AP3D1: variants seen among roughly 807,000 people sequenced by gnomAD.
AP3D1 encodes the protein AP-3 complex subunit delta-1.
A neutral mutation model predicts 147.6 loss-of-function variants in AP3D1; 51 were observed. The ratio of observed to expected loss-of-function variants is 0.35; its 90% CI spans 0.28 to 0.44. AP3D1 has a LOEUF of 0.44. Ranked by LOEUF, AP3D1 falls within the 20% of genes least tolerant of loss-of-function variation. AP3D1 has a pLI of 1.00. For synonymous variants in AP3D1, 760 were observed against 663.0 expected (o/e 1.15, Z -2.25); for missense variants, 1,421 against 1,624.2 (o/e 0.87, Z 2.15).
rs200459002 is a variant in AP3D1 at position 2,120,980 on chromosome 19, C to T, written c.1363G>A (p.Ala455Thr). The change falls in exon 14 of 32, where the codon GCC becomes ACC. Residue 455 changes from alanine (A) to threonine (T), a missense_variant. Ala to Thr is a moderately conservative substitution (Grantham distance 58). Around this residue, in one of 6 missense-constraint regions of AP3D1, gnomAD observed 310 missense variants for 388.1 expected, o/e 0.80. Coordinates refer to ENST00000643116, the MANE Select transcript of AP3D1 (RefSeq NM_001261826.3). ...AGCAGCGCAGACATCTGGGACACGG[C>T]GAACTTGCGGATGGCCTTCACGCGG... is the stretch of plus-strand genomic sequence containing the variant. ...AIRVKAIRKF[A>T]VSQMSALLDS... 8.9e-4 allele frequency: 1,433 copies of T among 1,612,056 alleles called. 2 individuals are homozygous for T. Among genetic ancestry groups the T allele is most frequent in the Non-Finnish European group, 1.1e-3 (1,275 of 1,179,992 alleles).
chr19:2,161,735 G>C (rs1172147590), intron 1 of AP3D1, among the ~76,000 whole-genome samples: 1 of 151,936 alleles, frequency 6.6e-6, no homozygotes, highest in Non-Finnish European at 1.5e-5. Context: ...TATAACTTGA[G>C]ATCAAGAGTT....
rs779165597 is a variant in AP3D1, at chr19:2,114,193, T to C, written c.2533A>G (p.Lys845Glu). The C allele has an allele frequency of 3.7e-6, 6 of 1,609,214 alleles. No individual in the cohort carries two copies. The East Asian group carries it at 1.1e-4, about 30-fold the overall frequency. Residue 845 changes from lysine to glutamate, a missense_variant, in exon 22 of 32, where the codon AAG becomes GAG. Around this residue, in one of 6 missense-constraint regions of AP3D1, gnomAD observed 791 missense variants for 761.4 expected, o/e 1.04. Transcript: ENST00000643116. ...PMVEKKSKKPKKKEKKHKEKE... is the reference protein window; with the variant it reads ...PMVEKKSKKPEKKEKKHKEKE... ...TCTTTGTGTTTTTTCTCTTTCTTCT[T>C]GGGTTTCTTGCTCTTCTTTTCTACC...
intron 20 of AP3D1, 66 bp from the exon 21 acceptor site, chr19:2,114,887 C>A: frequency 1.9e-6 from 3 of 1,566,826 alleles, no homozygotes; most frequent in Non-Finnish European, 2.6e-6. Context: ...CGCCATCTAT[C>A]TGGGACGCAG....
At chr19:2,139,676 G>A (rs892585147) in intron 1 of AP3D1, among the ~76,000 whole-genome samples, 8 of 151,910 alleles carry the variant, frequency 5.3e-5, no homozygotes, top group Middle Eastern at 3.2e-3. Flanking sequence ...GCACCCACAA[G>A]CCCTCCTAAT....
At chr19:2,154,921 T>C (rs1174649415), upstream of AP3D1, among the ~76,000 whole-genome samples, 3 of 152,208 alleles carry the variant, frequency 2.0e-5, no homozygotes, top group Non-Finnish European at 2.9e-5. Flanking sequence ...GGCCAGTGCC[T>C]GCATTCCCAG....
chr19:2,156,071 A>G (rs1030304934), upstream of AP3D1, among the ~76,000 whole-genome samples: 18 of 152,032 alleles, frequency 1.2e-4, no homozygotes, highest in African/African-American at 4.3e-4. Flanking sequence ...AAAAAAAGAA[A>G]AAAGAAAAAG....
intron 15 of AP3D1, among the ~76,000 whole-genome samples, 199 bp from the exon 16 acceptor site, chr19:2,117,566 G>A (rs1018382150): frequency 3.9e-5 from 6 of 152,242 alleles, no homozygotes; most frequent in Admixed American, 3.3e-4. Context: ...AGACCAGTCC[G>A]GAAACAGAAC....
intron 1 of AP3D1, among the ~76,000 whole-genome samples, chr19:2,140,597 C>T (rs1434539333): frequency 6.6e-6 from 1 of 151,810 alleles, no homozygotes; most frequent in East Asian, 1.9e-4. Flanking sequence ...CCGCTAGCCT[C>T]CCAAAGCACT....
intron 1 of AP3D1, among the ~76,000 whole-genome samples, chr19:2,163,572 G>A (rs1213068175): frequency 1.3e-5 from 2 of 151,288 alleles, no homozygotes; most frequent in Middle Eastern, 3.2e-3. Context: ...GTCCTGGACC[G>A]TGACTCTTAT....
intron 1 of AP3D1, among the ~76,000 whole-genome samples, chr19:2,162,901 G>A (rs919227717): frequency 6.6e-6 from 1 of 152,056 alleles, no homozygotes; most frequent in African/African-American, 2.4e-5. Flanking sequence ...GGGGACTTGG[G>A]GAGGTGCTGG....
intron 1 of AP3D1, among the ~76,000 whole-genome samples, chr19:2,161,279 A>G (rs898929345): frequency 2.7e-5 from 4 of 148,868 alleles, no homozygotes; most frequent in Non-Finnish European, 5.9e-5. Flanking sequence ...CTGTTGCCTC[A>G]GCCTCCCGAG....
At chr19:2,138,210 GT>G (rs1249484238) in intron 2 of AP3D1, among the ~76,000 whole-genome samples, 2 of 152,158 alleles carry the variant, frequency 1.3e-5, no homozygotes, top group Non-Finnish European at 2.9e-5. Flanking sequence ...AGGAGTGCCT[GT>G]CCCCAGCTCA....
intron 1 of AP3D1, among the ~76,000 whole-genome samples, chr19:2,146,333 C>T (rs1234557214): frequency 1.3e-5 from 2 of 152,198 alleles, no homozygotes; most frequent in Non-Finnish European, 2.9e-5. Flanking sequence ...GCCGGGCACA[C>T]TGGCTCACGC....
intron 8 of AP3D1, among the ~76,000 whole-genome samples, chr19:2,127,510 A>G (rs1205438429): frequency 2.6e-5 from 4 of 152,038 alleles, no homozygotes; most frequent in Non-Finnish European, 4.4e-5. Flanking sequence ...CATCTTTTCT[A>G]GAGTTTTTTT....
intron 8 of AP3D1, among the ~76,000 whole-genome samples, chr19:2,127,562 T>C (rs1033147067): frequency 6.6e-6 from 1 of 152,242 alleles, no homozygotes; most frequent in Non-Finnish European, 1.5e-5. Context: ...TCTCGCTCTG[T>C]TGCCCAGGCC....
chr19:2,108,414 G>A (rs1042119470), intron 31 of AP3D1, among the ~76,000 whole-genome samples: 11 of 152,190 alleles, frequency 7.2e-5, no homozygotes, highest in African/African-American at 2.7e-4. Flanking sequence ...CAGGGGTGGG[G>A]TGGTGGGCAG....
intron 11 of AP3D1, 89 bp downstream of exon 11, chr19:2,123,269 G>A (rs1256154919): frequency 2.9e-5 from 38 of 1,322,560 alleles, no homozygotes; most frequent in Middle Eastern, 2.0e-4. Flanking sequence ...TGCAGATGCC[G>A]TGTCCACTTC....
rs1466941720 is a variant in AP3D1, at chr19:2,121,764, C to A, written c.1071G>T (p.Arg357=). The A allele has an allele frequency of 1.9e-6, 3 of 1,610,382 alleles. No homozygotes were observed. Among genetic ancestry groups the A allele is most frequent in the Non-Finnish European group, 2.5e-6 (3 of 1,178,528 alleles). The change falls in exon 12 of 32, where the codon CGG becomes CGT. Residue 357 remains arginine, a synonymous_variant. Transcript: ENST00000643116. ...QCLDDKDESI[R]LRALDLLYGM... ...CATAGAGCAGGTCCAGGGCCCGCAG[C>A]CGGATGGACTCGTCCTTGTCGTCCA... is the stretch of plus-strand genomic sequence containing the variant.
intron 23 of AP3D1, 68 bp downstream of exon 23, chr19:2,113,268 T>C: frequency 1.1e-6 from 1 of 872,984 alleles, no homozygotes; most frequent in Non-Finnish European, 1.8e-6. Flanking sequence ...CCCAGGGCTC[T>C]TCCCTGAGTG....
Sources: allele counts gnomAD v4.1 joint callset (sites outside exome capture counted in the v4.1 genomes callset), GRCh38; gene constraint gnomAD v4.1.1; regional missense constraint gnomAD v4.1.1; transcripts MANE v1.5; gene names NCBI Gene and HGNC (gene_info 2026-07-23, HGNC 2026-07-21).